GLB1L3: variants seen among roughly 807,000 people sequenced by gnomAD.
GLB1L3 encodes the protein beta-galactosidase-1-like protein 3.
A neutral mutation model predicts 89.5 loss-of-function variants in GLB1L3; 89 were observed. The observed-to-expected ratio is 0.99, with a 90% CI of 0.84 to 1.19. GLB1L3 has a LOEUF of 1.19. GLB1L3 is among the 50% of genes most tolerant of loss of function. The probability of loss-of-function intolerance (pLI) is 0.00; values close to 1 mark genes in which losing one functional copy is unlikely to be tolerated. For synonymous variants in GLB1L3, 314 were observed against 312.3 expected (o/e 1.01, Z -0.06); for missense variants, 812 against 813.3 (o/e 1.00, Z 0.02).
downstream of GLB1L3, among the ~76,000 whole-genome samples, chr11:134,320,742 A>C (rs557279969): frequency 0.012 from 1,853 of 152,228 alleles, 26 homozygotes; most frequent in Non-Finnish European, 0.022. Flanking sequence ...GAAAAACAAA[A>C]AAAAAAAACA....
chr11:134,300,719 C>T (rs886827160), intron 9 of GLB1L3, among the ~76,000 whole-genome samples: 11 of 152,152 alleles, frequency 7.2e-5, no homozygotes, highest in African/African-American at 2.2e-4. Flanking sequence ...ACCTTCTTAA[C>T]GTGCCCTCGC....
intron 5 of GLB1L3, among the ~76,000 whole-genome samples, 154 bp downstream of exon 5, chr11:134,282,274 T>C (rs902305108): frequency 2.6e-5 from 4 of 152,172 alleles, no homozygotes; most frequent in African/African-American, 9.7e-5. Context: ...TGTGTTGTCT[T>C]GTGGGAAGCC....
At chr11:134,301,117 T>C (rs1227567134) in intron 9 of GLB1L3, among the ~76,000 whole-genome samples, 2 of 152,192 alleles carry the variant, frequency 1.3e-5, no homozygotes, top group Admixed American at 6.5e-5. Context: ...ATTTGTGTTA[T>C]ATTAGAGGAT....
intron 16 of GLB1L3, 146 bp downstream of exon 16, chr11:134,313,620 C>A (rs1404698158): frequency 1.2e-5 from 9 of 728,090 alleles, no homozygotes; most frequent in Non-Finnish European, 2.1e-5. Context: ...AAAATCGGCC[C>A]CTCGCCCTTG....
intron 6 of GLB1L3, among the ~76,000 whole-genome samples, chr11:134,287,966 G>A (rs1941116084): frequency 6.6e-6 from 1 of 152,224 alleles, no homozygotes; most frequent in South Asian, 2.1e-4. Context: ...TGGGGACCCC[G>A]GGCCTGCTGT....
chr11:134,291,741 A>G (rs1484325594), intron 7 of GLB1L3, among the ~76,000 whole-genome samples: 1 of 152,156 alleles, frequency 6.6e-6, no homozygotes. Flanking sequence ...TTGGGAGTAC[A>G]AGGCGGGAGG....
chr11:134,288,891 G>A lies in GLB1L3; in HGVS notation c.729+1G>A, dbSNP rs1941179754. The A allele has an allele frequency of 1.9e-6, 3 of 1,605,054 alleles. No homozygotes were observed. Among genetic ancestry groups the A allele is most frequent in the Non-Finnish European group, 2.6e-6 (3 of 1,174,216 alleles). ...AACATACATGCCGTATCTCCACAAGGTAAGAGGGCCTTGGTTTGGCCCCAT... is the reference window on the plus strand; with the variant it reads ...AACATACATGCCGTATCTCCACAAGATAAGAGGGCCTTGGTTTGGCCCCAT... On this transcript the variant is annotated splice_donor_variant, in intron 7 of 19. Transcript: ENST00000431683. LOFTEE classifies it high-confidence loss of function.
intron 8 of GLB1L3, 130 bp downstream of exon 8, chr11:134,292,343 G>A: frequency 1.6e-6 from 1 of 633,598 alleles, no homozygotes; most frequent in Non-Finnish European, 2.8e-6. Context: ...GATGGATCCT[G>A]GAGTTCGATG....
chr11:134,318,682 T>A lies in GLB1L3; in HGVS notation c.1831T>A (p.Trp611Arg). 6.2e-7 allele frequency: 1 copy of A among 1,613,180 alleles called. No individual in the cohort carries two copies. The highest frequency in any genetic ancestry group is 8.5e-7 in the Non-Finnish European group (1 of 1,179,398). The change falls in exon 19 of 20, where the codon TGG becomes AGG. Residue 611 changes from tryptophan to arginine, a missense_variant. Trp to Arg is a moderately radical substitution (Grantham distance 101). Transcript: ENST00000431683. ...FINGRNLGRY[W>R]NIGPQKTLYL... The stretch of plus-strand genomic sequence containing the variant: ...CAATGGACGTAACCTTGGGCGATAT[T>A]GGAATATTGGGCCTCAGAAAACACT...
chr11:134,295,161 A>G (rs1039331266), intron 9 of GLB1L3, among the ~76,000 whole-genome samples: 4 of 152,036 alleles, frequency 2.6e-5, no homozygotes, highest in Non-Finnish European at 5.9e-5. Context: ...CTCCTTTTCT[A>G]TTTTCTGGAA....
At chr11:134,298,387 C>T (rs1941768636) in intron 9 of GLB1L3, among the ~76,000 whole-genome samples, 1 of 152,112 alleles carries the variant, frequency 6.6e-6, no homozygotes, top group African/African-American at 2.4e-5. Flanking sequence ...GACCAATTTC[C>T]CTTATGAACA....
At chr11:134,308,332 CCATCACCATCATCACCAT>C (rs1942397031) in intron 10 of GLB1L3, among the ~76,000 whole-genome samples, 5 of 49,644 alleles carry the variant, frequency 1.0e-4, no homozygotes, top group Middle Eastern at 9.1e-3. Context: ...ATCACCATCA[CCATCACCATCATCACCAT>C]CACCACTACC....
At position 134,277,814 on chromosome 11, in the gene GLB1L3, G is replaced by A; in HGVS notation, c.264G>A (p.Leu88=). ...PHFTLEGHKF[L]IFGGSIHYFR... The stretch of plus-strand genomic sequence containing the variant: ...TCACACTGGAGGGCCACAAGTTCCT[G>A]ATCTTCGGGGGCTCCATCCACTATT... The change falls in exon 3 of 20, where the codon CTG becomes CTA. Residue 88 remains leucine, a synonymous_variant. Transcript: ENST00000431683. 6.2e-7 allele frequency: 1 copy of A among 1,614,106 alleles called. No individual in the cohort carries two copies. Among genetic ancestry groups the A allele is most frequent in the Non-Finnish European group, 8.5e-7 (1 of 1,180,032 alleles).
chr11:134,292,108 C>T, intron 7 of GLB1L3, 24 bp from the exon 8 acceptor site: 1 of 1,585,616 alleles, frequency 6.3e-7, no homozygotes, highest in Non-Finnish European at 8.7e-7. Flanking sequence ...GAATTGGGTT[C>T]ATTTTGGTTA....
chr11:134,313,599 A>G (rs527381471), intron 16 of GLB1L3, 125 bp downstream of exon 16: 3 of 833,586 alleles, frequency 3.6e-6, no homozygotes, highest in African/African-American at 3.4e-5. Context: ...AGGCCCTGGG[A>G]GCAGAGATGC....
intron 8 of GLB1L3, 173 bp from the exon 9 acceptor site, chr11:134,292,972 G>A (rs1144223): frequency 0.45 from 289,422 of 649,852 alleles, 67,631 homozygotes; most frequent in Non-Finnish European, 0.49. Flanking sequence ...GGGATGTGGC[G>A]ATGGCCGTGG....
At chr11:134,283,624 G>A (rs492383) in intron 5 of GLB1L3, 113 bp from the exon 6 acceptor site, 102,192 of 605,092 alleles carry the variant, frequency 0.17, 9,323 homozygotes, top group Middle Eastern at 0.2. Flanking sequence ...CTCCGGGACC[G>A]GGGGTGTGAG....
intron 6 of GLB1L3, among the ~76,000 whole-genome samples, chr11:134,288,278 G>A (rs1267687981): frequency 6.6e-6 from 1 of 152,170 alleles, no homozygotes; most frequent in African/African-American, 2.4e-5. Context: ...AGTGGGAAGA[G>A]GGGAACATTC....
In GLB1L3 at chr11:134,313,972, T is replaced by C. The variant is rs1942870398; in HGVS notation, c.1611T>C (p.Ser537=). ...CTGGATCTGTCAGCATCAATAACTC[T>C]TCCCTGGAGGGCTTTACCATCTATT... ...GITGSVSINN[S]SLEGFTIYSL... Residue 537 remains serine (S), a synonymous_variant, in exon 17 of 20, where the codon TCT becomes TCC. Transcript: ENST00000431683. 2.5e-6 allele frequency: 4 copies of C among 1,612,354 alleles called. No homozygotes were observed. In the South Asian group the frequency reaches 4.4e-5, roughly 18 times the overall value.
Sources: allele counts gnomAD v4.1 joint callset (sites outside exome capture counted in the v4.1 genomes callset), GRCh38; gene constraint gnomAD v4.1.1; transcripts MANE v1.5; gene names NCBI Gene and HGNC (gene_info 2026-07-23, HGNC 2026-07-21).